The following NFATC3 variants were observed in gnomAD, a reference collection of about 807,000 sequenced individuals.
NFATC3 encodes nuclear factor of activated T-cells, cytoplasmic 3.
Under a neutral mutation model 98.6 loss-of-function variants are expected in NFATC3, and 46 were observed. That is an observed-to-expected ratio of 0.47 (90% confidence interval 0.37 to 0.60). The LOEUF (loss-of-function observed/expected upper bound fraction) is 0.60, where lower values mean the gene tolerates loss of function less well. Among genes scored for constraint, NFATC3 ranks in the 20% least tolerant of loss-of-function variants. The probability of loss-of-function intolerance (pLI) is 0.00; values close to 1 mark genes in which losing one functional copy is unlikely to be tolerated. For missense variants in NFATC3, 1,256 were observed against 1,295.5 expected, an observed-to-expected ratio of 0.97 and a Z score of 0.47; for synonymous variants, 512 against 472.2, an observed-to-expected ratio of 1.08 and a Z score of -1.09.
At chr16:68,165,221 T>G (rs1166351620) in intron 4 of NFATC3, among the ~76,000 whole-genome samples, 1 of 152,126 alleles carries the variant, frequency 6.6e-6, no homozygotes, top group Admixed American at 6.6e-5. Context: ...TCAGTATCAG[T>G]TATATAATTT....
chr16:68,219,482 G>A (rs1472083724), intron 9 of NFATC3, among the ~76,000 whole-genome samples: 2 of 152,084 alleles, frequency 1.3e-5, no homozygotes, highest in Non-Finnish European at 2.9e-5. Context: ...CGGGAGGATC[G>A]CTTGAGCCTA....
chr16:68,210,514 C>T (rs760357511), intron 9 of NFATC3, among the ~76,000 whole-genome samples: 2 of 151,876 alleles, frequency 1.3e-5, no homozygotes, highest in Non-Finnish European at 2.9e-5. Flanking sequence ...CTGCATCTAT[C>T]GAGATGATCA....
At chr16:68,181,650 G>T in intron 7 of NFATC3, 120 bp downstream of exon 7, 1 of 696,076 alleles carries the variant, frequency 1.4e-6, no homozygotes, top group Non-Finnish European at 2.4e-6. Flanking sequence ...GTAAAATTAG[G>T]CTGGGCATGG....
At position 68,113,518 on chromosome 16, in the gene NFATC3, G is replaced by T. The variant is rs2151485823; in HGVS notation, c.104-8469G>T. 2.6e-5 allele frequency among the ~76,000 whole-genome samples: 4 copies of T among 152,370 alleles called. 1 individual carries two copies. Among genetic ancestry groups the T allele is most frequent in the Admixed American group, 2.6e-4 (4 of 15,308 alleles). Reference sequence around the variant, plus strand: ...AGCTGATGCTGGCTGGAACGCTCCTGTATCAGGTGCCTGGTGACCCCAGTT... The same window carrying T: ...AGCTGATGCTGGCTGGAACGCTCCTTTATCAGGTGCCTGGTGACCCCAGTT... On this transcript the variant is annotated intron_variant, in intron 1 of 9. Coordinates refer to ENST00000346183, the MANE Select transcript of NFATC3 (RefSeq NM_173165.3).
At chr16:68,095,202 AT>A (rs540692637) in intron 1 of NFATC3, among the ~76,000 whole-genome samples, 303 of 146,340 alleles carry the variant, frequency 2.1e-3, no homozygotes, top group African/African-American at 7.0e-3. Context: ...CTTAAAAAAA[AT>A]TTTTTTTTTT....
rs114172593 is a variant in NFATC3 at position 68,207,423 on chromosome 16, G to A, written c.3106+15648G>A. Among the ~76,000 whole-genome samples the A allele has an allele frequency of 1.5e-3, 231 of 152,226 alleles. 2 individuals carry two copies. The highest frequency in any genetic ancestry group is 5.2e-3 in the African/African-American group (217 of 41,524). ...GTCCCTCTTTTCAGTACTTTTGTGT[G>A]TTTACGTAAGAGTGGAATTGCTGGG... On this transcript the variant is annotated intron_variant, in intron 9 of 9. Coordinates refer to ENST00000346183, the MANE Select transcript of NFATC3 (RefSeq NM_173165.3).
intron 9 of NFATC3, among the ~76,000 whole-genome samples, chr16:68,198,102 T>C (rs2040749729): frequency 6.6e-6 from 1 of 152,148 alleles, no homozygotes; most frequent in African/African-American, 2.4e-5. Context: ...GGCAGATCAC[T>C]TGAGCCCAGG....
At chr16:68,226,265 A>G (rs2042034591) in intron 9 of NFATC3, 85 bp from the exon 10 acceptor site, 19 of 1,454,634 alleles carry the variant, frequency 1.3e-5, no homozygotes, top group Non-Finnish European at 1.7e-5. Context: ...GGGAAGGGAA[A>G]TGTCTGAGGT....
intron 8 of NFATC3, among the ~76,000 whole-genome samples, chr16:68,186,972 A>C (rs2040230370): frequency 6.6e-6 from 1 of 152,236 alleles, no homozygotes; most frequent in Non-Finnish European, 1.5e-5. Flanking sequence ...ACCTTTGCCC[A>C]CAGCCCTCTG....
At chr16:68,199,575 G>T (rs1258777487) in intron 9 of NFATC3, among the ~76,000 whole-genome samples, 7 of 146,016 alleles carry the variant, frequency 4.8e-5, no homozygotes, top group African/African-American at 1.8e-4. Context: ...AGTATTAGAT[G>T]AAGTGTTTTT....
rs115156392 is a variant in NFATC3, at chr16:68,171,769, C to T, written c.1775-2605C>T. Among the ~76,000 whole-genome samples, 1,211 of 152,158 alleles carry T rather than the reference C, an allele frequency of 8.0e-3. 16 individuals carry two copies. Among genetic ancestry groups the T allele is most frequent in the African/African-American group, 0.027 (1,137 of 41,510 alleles). On this transcript the variant is annotated intron_variant, in intron 5 of 9. Transcript: ENST00000346183. ...GGATTACAGACGTGAGCCACCACGC[C>T]TGGCTGCATACACATCTTTTTTCTT...
At chr16:68,206,956 C>T (rs182823002) in intron 9 of NFATC3, among the ~76,000 whole-genome samples, 99 of 149,768 alleles carry the variant, frequency 6.6e-4, no homozygotes, top group African/African-American at 2.0e-3. Context: ...CACTCCAACC[C>T]GGGCAACAGA....
chr16:68,093,229 T>C (rs1478912447), intron 1 of NFATC3, among the ~76,000 whole-genome samples: 2 of 152,230 alleles, frequency 1.3e-5, no homozygotes, highest in Admixed American at 1.3e-4. Context: ...GTGAGACAAC[T>C]TAACAGATAA....
At chr16:68,117,984 C>T (rs919800063) in intron 1 of NFATC3, among the ~76,000 whole-genome samples, 2 of 152,128 alleles carry the variant, frequency 1.3e-5, no homozygotes, top group Non-Finnish European at 2.9e-5. Flanking sequence ...GAATAAAATC[C>T]AAAGCCCTTA....
At chr16:68,177,745 T>G (rs1182313706) in intron 6 of NFATC3, among the ~76,000 whole-genome samples, 3 of 152,138 alleles carry the variant, frequency 2.0e-5, no homozygotes, top group Non-Finnish European at 4.4e-5. Flanking sequence ...TGGAGTTTAA[T>G]TATGTTTATG....
intron 1 of NFATC3, among the ~76,000 whole-genome samples, chr16:68,102,857 C>T (rs1469933729): frequency 6.6e-6 from 1 of 152,154 alleles, no homozygotes; most frequent in Non-Finnish European, 1.5e-5. Context: ...TCCACACTAA[C>T]ACTTGTTTTC....
rs927675832 is a variant in NFATC3, at chr16:68,122,569, A to T, written c.686A>T (p.Tyr229Phe). The T allele has an allele frequency of 6.2e-7, 1 of 1,613,970 alleles. No individual in the cohort carries two copies. The highest frequency in any genetic ancestry group is 1.3e-5 in the African/African-American group (1 of 74,882). Residue 229 changes from tyrosine to phenylalanine, a missense_variant, in exon 2 of 10, where the codon TAT becomes TTT. Tyr to Phe is a conservative substitution (Grantham distance 22). Transcript: ENST00000346183. Reference protein sequence around the residue: ...CPGEETWHQQYGLGHSLSPRQ... With the variant: ...CPGEETWHQQFGLGHSLSPRQ... Reference sequence around the variant, plus strand: ...GGAGAAGAAACTTGGCATCAACAGTATGGACTTGGACACTCATTATCACCC... The same window carrying T: ...GGAGAAGAAACTTGGCATCAACAGTTTGGACTTGGACACTCATTATCACCC...
In NFATC3 at chr16:68,144,814, C is replaced by T. The variant is rs143433060; in HGVS notation, c.1402-13055C>T. Among the ~76,000 whole-genome samples, 198 of 152,126 alleles carry T rather than the reference C, an allele frequency of 1.3e-3. 1 individual carries two copies. The highest frequency in any genetic ancestry group is 2.2e-3 in the Non-Finnish European group (150 of 67,990). ...CTGGGATTACAGGTGCCTGCCACCA[C>T]GCCCAGCTGATTTTTACATTTTTAG... On this transcript the variant is annotated intron_variant, in intron 3 of 9. Transcript: ENST00000346183.
intron 9 of NFATC3, among the ~76,000 whole-genome samples, chr16:68,216,658 A>G (rs2041652832): frequency 6.7e-6 from 1 of 149,694 alleles, no homozygotes; most frequent in South Asian, 2.1e-4. Flanking sequence ...CAGCCTCCCA[A>G]GTAGCTGAAA....
Sources: allele counts gnomAD v4.1 joint callset (sites outside exome capture counted in the v4.1 genomes callset), GRCh38; gene constraint gnomAD v4.1.1; transcripts MANE v1.5; gene names NCBI Gene and HGNC (gene_info 2026-07-23, HGNC 2026-07-21).